FOLR1: variants seen among roughly 807,000 people sequenced by gnomAD.
FOLR1 encodes the protein folate receptor alpha.
Under a neutral mutation model 22.8 loss-of-function variants are expected in FOLR1, and 11 were observed. The ratio of observed to expected loss-of-function variants is 0.48; its 90% CI spans 0.30 to 0.80. The LOEUF (loss-of-function observed/expected upper bound fraction) is 0.80. FOLR1 is among the 30% of genes least tolerant of loss of function. FOLR1 has a pLI of 0.06. For synonymous variants in FOLR1, 108 were observed against 116.5 expected (o/e 0.93, Z 0.47); for missense variants, 273 against 320.3 (o/e 0.85, Z 1.13).
upstream of FOLR1, chr11:72,191,993 G>T (rs543074170): frequency 4.7e-6 from 3 of 639,240 alleles, no homozygotes; most frequent in African/African-American, 5.4e-5. Context: ...AAGCCAGGGA[G>T]GGGTGGTGTC....
At chr11:72,191,206 C>G (rs1259581623), upstream of FOLR1, among the ~76,000 whole-genome samples, 1 of 152,162 alleles carries the variant, frequency 6.6e-6, no homozygotes, top group Non-Finnish European at 1.5e-5. Flanking sequence ...CACCCATGTC[C>G]TGTGACCCCA....
At position 72,196,292 on chromosome 11, in the gene FOLR1, A is replaced by ACAC; in HGVS notation, c.*117_*119dup. 2 of 1,018,628 alleles carry ACAC rather than the reference A, an allele frequency of 2.0e-6. No homozygotes were observed. The highest frequency in any genetic ancestry group is 2.7e-5 in the South Asian group (2 of 74,386). The allele number at this position is 1,018,628 out of a possible 1,614,324, so 63.1% of individuals were successfully genotyped here. ...CTGACAGCCACTTTGAATAAACCAG[A>ACAC]CACCGCACATGTGTCTTGAGAATTA... On this transcript the variant is annotated 3_prime_UTR_variant, in exon 4 of 4. Coordinates refer to ENST00000393676, the MANE Select transcript of FOLR1 (RefSeq NM_016729.3).
At chr11:72,195,873 A>T (rs775560923) in intron 3 of FOLR1, 24 bp from the exon 4 acceptor site, 1 of 1,614,056 alleles carries the variant, frequency 6.2e-7, no homozygotes. Context: ...CCCAGTGGCT[A>T]AAGGTCTTCC....
At chr11:72,189,976 C>CA (rs562393129), upstream of FOLR1, among the ~76,000 whole-genome samples, 22 of 152,324 alleles carry the variant, frequency 1.4e-4, no homozygotes, top group South Asian at 4.4e-3. Context: ...TCTAGCCCTT[C>CA]AGTCCAGAGC....
upstream of FOLR1, chr11:72,192,019 T>G: frequency 1.3e-6 from 1 of 778,694 alleles, no homozygotes; most frequent in Non-Finnish European, 2.1e-6. Context: ...CTACCTTTCA[T>G]TGGATCTGGG....
chr11:72,194,026 G>GTCCACC (rs1948193949), intron 1 of FOLR1, among the ~76,000 whole-genome samples: 1 of 151,930 alleles, frequency 6.6e-6, no homozygotes, highest in South Asian at 2.1e-4. Context: ...TAAGTGATCT[G>GTCCACC]TCCACCTCCA....
rs1565366051 is a variant in FOLR1 at position 72,196,152 on chromosome 11, T to C, written c.749T>C (p.Leu250Pro). The C allele has an allele frequency of 2.5e-6, 4 of 1,614,196 alleles. No individual in the cohort carries two copies. Among genetic ancestry groups the C allele is most frequent in the Non-Finnish European group, 3.4e-6 (4 of 1,180,044 alleles). Residue 250 changes from leucine (L) to proline (P), a missense_variant, in exon 4 of 4, where the codon CTA becomes CCA. Leu to Pro is a moderately conservative substitution (Grantham distance 98, BLOSUM62 -3). Transcript: ENST00000393676. The part of the protein sequence containing the change: ...AAWPFLLSLA[L>P]MLLWLLS ...TGGCCTTTCCTGCTTAGCCTGGCCC[T>C]AATGCTGCTGTGGCTGCTCAGCTGA...
At chr11:72,194,213 A>G (rs1485905105) in intron 1 of FOLR1, among the ~76,000 whole-genome samples, 4 of 152,198 alleles carry the variant, frequency 2.6e-5, no homozygotes, top group Admixed American at 2.6e-4. Context: ...TTTTAAGGAA[A>G]AAGATTAGTT....
upstream of FOLR1, chr11:72,189,815 C>G: frequency 6.6e-6 from 1 of 152,288 alleles, no homozygotes; most frequent in East Asian, 1.9e-4. Flanking sequence ...GCATTCCCAC[C>G]ATGTGTTAAG....
At chr11:72,195,504 A>G (rs764487833) in intron 2 of FOLR1, 45 bp downstream of exon 2, 1 of 1,613,310 alleles carries the variant, frequency 6.2e-7, no homozygotes. Context: ...GGAGCAGCTG[A>G]GCTTTCCAGG....
chr11:72,195,178 C>T (rs1948209956), intron 1 of FOLR1, 93 bp from the exon 2 acceptor site: 1 of 1,257,640 alleles, frequency 8.0e-7, no homozygotes, highest in East Asian at 2.3e-5. Context: ...GCTGGGGAAT[C>T]AAGGACTAAG....
At position 72,195,649 on chromosome 11, in the gene FOLR1, T is replaced by C; in HGVS notation, c.395T>C (p.Val132Ala). 1.2e-6 allele frequency: 2 copies of C among 1,614,208 alleles called. No individual in the cohort carries two copies. The highest frequency in any genetic ancestry group is 1.7e-6 in the Non-Finnish European group (2 of 1,180,036). ...TGGCGCAAAGAGCGGGTACTGAACGTGCCCCTGTGCAAAGAGGACTGTGAG... is the reference window on the plus strand; with the variant it reads ...TGGCGCAAAGAGCGGGTACTGAACGCGCCCCTGTGCAAAGAGGACTGTGAG... The part of the protein sequence containing the change: ...QSWRKERVLN[V>A]PLCKEDCEQW... The change falls in exon 3 of 4, where the codon GTG (valine) becomes GCG (alanine). Residue 132 changes from valine (V) to alanine (A), a missense_variant. Coordinates refer to ENST00000393676, the MANE Select transcript of FOLR1 (RefSeq NM_016729.3).
Position 72,195,660 on chromosome 11 carries a change from A to G in FOLR1, c.406A>G (p.Lys136Glu). The G allele has an allele frequency of 6.2e-7, 1 of 1,614,210 alleles. No homozygotes were observed. Among genetic ancestry groups the G allele is most frequent in the Non-Finnish European group, 8.5e-7 (1 of 1,180,030 alleles). The change falls in exon 3 of 4, where the codon AAA becomes GAA. Residue 136 changes from lysine to glutamate, a missense_variant. Transcript: ENST00000393676. ...GCGGGTACTGAACGTGCCCCTGTGCAAAGAGGACTGTGAGCAATGGTGGGA... is the reference window on the plus strand; with the variant it reads ...GCGGGTACTGAACGTGCCCCTGTGCGAAGAGGACTGTGAGCAATGGTGGGA... ...KERVLNVPLCKEDCEQWWEDC... is the reference protein window; with the variant it reads ...KERVLNVPLCEEDCEQWWEDC...
Position 72,195,977 on chromosome 11 carries a change from A to C in FOLR1, c.574A>C (p.Ile192Leu). 1.2e-6 allele frequency: 2 copies of C among 1,614,178 alleles called. No individual in the cohort carries two copies. Among genetic ancestry groups the C allele is most frequent in the Non-Finnish European group, 1.7e-6 (2 of 1,180,028 alleles). The change falls in exon 4 of 4, where the codon ATC becomes CTC. Residue 192 changes from isoleucine (I) to leucine (L), a missense_variant. Transcript: ENST00000393676. Reference protein sequence around the residue: ...FPTPTVLCNEIWTHSYKVSNY... With the variant: ...FPTPTVLCNELWTHSYKVSNY... The stretch of plus-strand genomic sequence containing the variant: ...CACACCCACTGTTCTGTGCAATGAA[A>C]TCTGGACTCACTCCTACAAGGTCAG...
chr11:72,195,435 C>T lies in FOLR1; in HGVS notation c.333C>T (p.Pro111=), dbSNP rs772210412. Residue 111 remains proline (P), a synonymous_variant, in exon 2 of 4, where the codon CCC becomes CCT. Transcript: ENST00000393676. ...ACACCTGCCTCTACGAGTGCTCCCCCAACTTGGGGCCCTGGATCCAGCAGG... is the reference window on the plus strand; with the variant it reads ...ACACCTGCCTCTACGAGTGCTCCCCTAACTTGGGGCCCTGGATCCAGCAGG... ...IQDTCLYECS[P]NLGPWIQQVD... is the part of the protein sequence containing the mutation. 45 of 1,614,124 alleles carry T rather than the reference C, an allele frequency of 2.8e-5. No individual in the cohort carries two copies. Among genetic ancestry groups the T allele is most frequent in the Non-Finnish European group, 3.8e-5 (45 of 1,180,060 alleles).
In FOLR1 at chr11:72,195,924, C is replaced by A. The variant is rs1948225780; in HGVS notation, c.521C>A (p.Ala174Asp). The A allele has an allele frequency of 1.2e-6, 2 of 1,614,218 alleles. No individual in the cohort carries two copies. The highest frequency in any genetic ancestry group is 1.7e-6 in the Non-Finnish European group (2 of 1,180,042). The change falls in exon 4 of 4, where the codon GCC becomes GAC. Residue 174 changes from alanine to aspartate, a missense_variant. Transcript: ENST00000393676. ...TTTAACAAGTGCGCAGTGGGAGCTG[C>A]CTGCCAACCTTTCCATTTCTACTTC... ...SGFNKCAVGA[A>D]CQPFHFYFPT...
rs1411513056 is a variant in FOLR1 at position 72,196,112 on chromosome 11, G to T, written c.709G>T (p.Gly237Trp). Reference sequence around the variant, plus strand: ...CTATGCTGCAGCCATGAGTGGGGCTGGGCCCTGGGCAGCCTGGCCTTTCCT... The same window carrying T: ...CTATGCTGCAGCCATGAGTGGGGCTTGGCCCTGGGCAGCCTGGCCTTTCCT... ...RFYAAAMSGA[G>W]PWAAWPFLLS... The change falls in exon 4 of 4, where the codon GGG (glycine) becomes TGG (tryptophan). Residue 237 changes from glycine to tryptophan, a missense_variant. Physicochemically the swap from Gly to Trp is radical, Grantham distance 184 (BLOSUM62 -2). Transcript: ENST00000393676. 6.2e-7 allele frequency: 1 copy of T among 1,614,096 alleles called. No homozygotes were observed. The highest frequency in any genetic ancestry group is 8.5e-7 in the Non-Finnish European group (1 of 1,180,046).
chr11:72,193,483 G>T (rs1456831138), intron 1 of FOLR1, among the ~76,000 whole-genome samples: 2 of 151,306 alleles, frequency 1.3e-5, no homozygotes, highest in Admixed American at 6.6e-5. Flanking sequence ...TTTTGCTCTT[G>T]TTGCCCAGGG....
chr11:72,192,067 C>T, upstream of FOLR1: 1 of 1,302,128 alleles, frequency 7.7e-7, no homozygotes, highest in Non-Finnish European at 1.1e-6. Flanking sequence ...CTATCTGCCC[C>T]AGGCTTCCGT....
Sources: allele counts gnomAD v4.1 joint callset (sites outside exome capture counted in the v4.1 genomes callset), GRCh38; gene constraint gnomAD v4.1.1; transcripts MANE v1.5; gene names NCBI Gene and HGNC (gene_info 2026-07-23, HGNC 2026-07-21).